The following MEGF10 variants were observed in gnomAD, a reference collection of about 807,000 sequenced individuals.
MEGF10 encodes the protein multiple EGF like domains 10.
In MEGF10, 86 loss-of-function variants were observed where a neutral mutation model predicts 147.5. The observed-to-expected ratio is 0.58, with a 90% CI of 0.49 to 0.70. The LOEUF is 0.70. Among genes scored for constraint, MEGF10 ranks in the 30% least tolerant of loss-of-function variants. The pLI, the probability that MEGF10 is intolerant of heterozygous loss-of-function variation, is 0.00. For missense variants in MEGF10, 1,329 were observed against 1,487.3 expected (o/e 0.89, Z 1.75); for synonymous variants, 478 against 525.5 (o/e 0.91, Z 1.24).
At chr5:127,239,376 G>GACACACAC in the MEGF10 span, among the ~76,000 whole-genome samples, 829 of 123,466 alleles carry the variant, frequency 6.7e-3, 8 homozygotes, top group African/African-American at 0.022. Flanking sequence ...GATGATGGAA[G>GACACACAC]ACACACACAC....
intron 2 of MEGF10, among the ~76,000 whole-genome samples, chr5:127,333,018 A>T (rs891687959): frequency 1.4e-4 from 22 of 152,198 alleles, no homozygotes; most frequent in African/African-American, 5.1e-4. Flanking sequence ...TGTGTGAAGT[A>T]ATCCAGATGA....
In MEGF10 at chr5:127,358,700, C is replaced by T. The variant is rs140287711; in HGVS notation, c.320-11210C>T. Among the ~76,000 whole-genome samples, 21 of 152,212 alleles carry T rather than the reference C, an allele frequency of 1.4e-4. No homozygotes were observed. In the East Asian group the frequency reaches 3.3e-3, roughly 24 times the overall value. On this transcript the variant is annotated intron_variant, in intron 4 of 24. Transcript: ENST00000503335. ...ATTTCTTCCCTAAACAATATGCTGA[C>T]GATTTTGAAATCCTTCTCAAATTGA...
chr5:127,344,663 A>G (rs1761812361), intron 4 of MEGF10, among the ~76,000 whole-genome samples: 2 of 152,186 alleles, frequency 1.3e-5, no homozygotes, highest in South Asian at 2.1e-4. Flanking sequence ...TTGAAAAAAA[A>G]AGTTGAGAAA....
rs755204236 is a variant in MEGF10, at chr5:127,434,830, C to T, written c.1975+9C>T. ...CGCCCTCTGCAATGAAGGTAAGGCA[C>T]GAAGCATCCCGGACAGCTGGGTGGT... On this transcript the variant is annotated intron_variant, in intron 15 of 24. Coordinates refer to ENST00000503335, the MANE Select transcript of MEGF10 (RefSeq NM_001256545.2). The T allele has an allele frequency of 1.1e-5, 18 of 1,610,156 alleles. No homozygotes were observed. Among genetic ancestry groups the T allele is most frequent in the Middle Eastern group, 1.6e-4 (1 of 6,076 alleles).
the MEGF10 span, among the ~76,000 whole-genome samples, chr5:127,260,451 G>T: frequency 1.3e-5 from 2 of 152,188 alleles, no homozygotes; most frequent in Non-Finnish European, 2.9e-5. Context: ...AGAAGTTTCT[G>T]GTAAACCTCC....
intron 8 of MEGF10, among the ~76,000 whole-genome samples, chr5:127,407,098 T>C (rs115677616): frequency 3.7e-4 from 57 of 152,218 alleles, no homozygotes; most frequent in African/African-American, 1.2e-3. Flanking sequence ...TAGACAGGAA[T>C]TGGGGGAATG....
chr5:127,268,168 G>T, the MEGF10 span, among the ~76,000 whole-genome samples: 1 of 152,082 alleles, frequency 6.6e-6, no homozygotes, highest in Non-Finnish European at 1.5e-5. Flanking sequence ...CCTTCATTTC[G>T]TTATGTACCC....
chr5:127,231,144 T>C, the MEGF10 span, among the ~76,000 whole-genome samples: 183 of 152,364 alleles, frequency 1.2e-3, 6 homozygotes, highest in South Asian at 0.012. Flanking sequence ...AGTAGTCTCC[T>C]AATTGATATT....
At position 127,339,200 on chromosome 5, in the gene MEGF10, G is replaced by T. The variant is rs1182966883; in HGVS notation, c.197G>T (p.Trp66Leu). Reference protein sequence around the residue: ...YYTSCTDILNWFKCTRHRVSY... With the variant: ...YYTSCTDILNLFKCTRHRVSY... ...ACGAGCTGCACTGACATTCTAAACT[G>T]GTTTAAATGCACGCGGCACAGGTAA... The change falls in exon 3 of 25, where the codon TGG (tryptophan) becomes TTG (leucine). Residue 66 changes from tryptophan (W) to leucine (L), a missense_variant. Physicochemically the swap from Trp to Leu is moderately conservative, Grantham distance 61 (BLOSUM62 -2). Transcript: ENST00000503335. The T allele has an allele frequency of 1.2e-6, 2 of 1,611,994 alleles. No individual in the cohort carries two copies. Among genetic ancestry groups the T allele is most frequent in the African/African-American group, 2.7e-5 (2 of 74,806 alleles).
chr5:127,356,308 G>A (rs1762280789), intron 4 of MEGF10, among the ~76,000 whole-genome samples: 4 of 152,198 alleles, frequency 2.6e-5, no homozygotes, highest in Admixed American at 2.0e-4. Context: ...TGATGCGCTG[G>A]TAGAATCAAT....
intron 9 of MEGF10, among the ~76,000 whole-genome samples, chr5:127,413,733 G>A (rs1764658136): frequency 1.3e-5 from 2 of 152,170 alleles, no homozygotes; most frequent in Non-Finnish European, 2.9e-5. Context: ...TAAGCTGCCT[G>A]CATGAGAACC....
chr5:127,256,271 C>T, the MEGF10 span, among the ~76,000 whole-genome samples: 1 of 152,104 alleles, frequency 6.6e-6, no homozygotes. Flanking sequence ...ATAATTTGAG[C>T]TTGATCAGGT....
At chr5:127,255,558 G>C in the MEGF10 span, among the ~76,000 whole-genome samples, 2 of 152,154 alleles carry the variant, frequency 1.3e-5, no homozygotes, top group Non-Finnish European at 2.9e-5. Flanking sequence ...CTAGAAGCAA[G>C]ATGGATTTAG....
intron 2 of MEGF10, 149 bp downstream of exon 2, chr5:127,331,573 G>A (rs549309297): frequency 1.8e-6 from 1 of 555,928 alleles, no homozygotes; most frequent in African/African-American, 1.9e-5. Flanking sequence ...TAGCAAATTA[G>A]GTGGTGTTAG....
chr5:127,375,190 G>C (rs1385061082), intron 5 of MEGF10, among the ~76,000 whole-genome samples: 3 of 151,700 alleles, frequency 2.0e-5, no homozygotes, highest in South Asian at 2.1e-4. Context: ...ATGGTCAGAT[G>C]GTAATCAATT....
At chr5:127,344,577 T>C (rs999779088) in intron 4 of MEGF10, among the ~76,000 whole-genome samples, 4 of 152,110 alleles carry the variant, frequency 2.6e-5, no homozygotes, top group Non-Finnish European at 5.9e-5. Context: ...TCACATGTTG[T>C]CAAGAAATTC....
intron 5 of MEGF10, among the ~76,000 whole-genome samples, chr5:127,379,064 C>CTTT (rs35798578): frequency 3.8e-4 from 46 of 121,472 alleles, no homozygotes; most frequent in African/African-American, 1.4e-3. Context: ...ATTGATTTTT[C>CTTT]TTTTTTTTTT....
chr5:127,446,620 G>T (rs1419144129), intron 20 of MEGF10, among the ~76,000 whole-genome samples: 1 of 152,194 alleles, frequency 6.6e-6, no homozygotes, highest in Non-Finnish European at 1.5e-5. Context: ...GCAAACCCAG[G>T]AGTTGCAGCC....
chr5:127,361,712 T>A (rs567322469), intron 4 of MEGF10, among the ~76,000 whole-genome samples: 2 of 152,254 alleles, frequency 1.3e-5, no homozygotes, highest in South Asian at 4.1e-4. Flanking sequence ...AATTTTGACA[T>A]GTTGTGATTT....
Sources: gnomAD v4.1 joint callset for allele counts (sites outside exome capture counted in the v4.1 genomes callset) on GRCh38, gnomAD v4.1.1 for gene constraint, MANE v1.5 for transcripts, NCBI Gene and HGNC (gene_info 2026-07-23, HGNC 2026-07-21) for gene names.